Variants in ITCH observed in about 807,000 individuals in gnomAD.
ITCH encodes itchy E3 ubiquitin protein ligase.
A neutral mutation model predicts 126.8 loss-of-function variants in ITCH; 28 were observed. The ratio of observed to expected loss-of-function variants is 0.22; its 90% CI spans 0.16 to 0.30. The LOEUF is 0.30. Ranked by LOEUF, ITCH falls within the 10% of genes least tolerant of loss-of-function variation. The probability of loss-of-function intolerance (pLI) is 1.00; values close to 1 mark genes in which losing one functional copy is unlikely to be tolerated. For missense variants in ITCH, 631 were observed against 1,032.4 expected (o/e 0.61, Z 5.33); for synonymous variants, 342 against 340.0 (o/e 1.01, Z -0.06).
chr20:34,405,355 A>G (rs924582687), intron 3 of ITCH, among the ~76,000 whole-genome samples: 2 of 152,034 alleles, frequency 1.3e-5, no homozygotes, highest in Admixed American at 6.6e-5. Flanking sequence ...AAATACAAAC[A>G]TTAGCTGGGT....
chr20:34,419,830 G>C (rs147350338), intron 6 of ITCH, among the ~76,000 whole-genome samples: 1 of 152,020 alleles, frequency 6.6e-6, no homozygotes, highest in Non-Finnish European at 1.5e-5. Context: ...AATTGTGTCC[G>C]TAGGCCATTC....
In ITCH at chr20:34,435,191, C is replaced by T. The variant is rs148363567; in HGVS notation, c.522-3283C>T. Among the ~76,000 whole-genome samples the T allele has an allele frequency of 6.1e-4, 92 of 149,602 alleles. 1 individual carries two copies. The East Asian group carries it at 0.017, about 28-fold the overall frequency. On this transcript the variant is annotated intron_variant, in intron 7 of 24. Transcript: ENST00000374864. The stretch of plus-strand genomic sequence containing the variant: ...GTTTTTGGGTTTTTTTTTTTTGAGA[C>T]AGAGTCTTGCTCTGTTGCCCAGGCT...
chr20:34,365,348 A>AG, intron 1 of ITCH, among the ~76,000 whole-genome samples: 1 of 152,350 alleles, frequency 6.6e-6, no homozygotes, highest in South Asian at 2.1e-4. Context: ...AATTAAAAAA[A>AG]TGAGTACAGA....
intron 6 of ITCH, among the ~76,000 whole-genome samples, chr20:34,415,816 A>G (rs953882473): frequency 2.0e-5 from 3 of 152,182 alleles, no homozygotes; most frequent in Non-Finnish European, 4.4e-5. Flanking sequence ...AGATGAAACT[A>G]TTACTAATGT....
At chr20:34,506,699 GGCTGGAGACT>G (rs1157128872) in intron 24 of ITCH, among the ~76,000 whole-genome samples, 1 of 152,142 alleles carries the variant, frequency 6.6e-6, no homozygotes, top group Non-Finnish European at 1.5e-5. Context: ...GTGCCAAAAA[GGCTGGAGACT>G]GCTGCTTTAA....
chr20:34,440,477 T>C (rs1983604804), intron 9 of ITCH, 133 bp downstream of exon 9: 6 of 728,184 alleles, frequency 8.2e-6, no homozygotes, highest in Non-Finnish European at 1.4e-5. Context: ...CTTTTTTTTT[T>C]GAGATGGAGT....
In ITCH at chr20:34,405,717, T is replaced by C. The variant is rs1345873498; in HGVS notation, c.71-2934T>C. Among the ~76,000 whole-genome samples, 4 of 152,322 alleles carry C rather than the reference T, an allele frequency of 2.6e-5. No individual in the cohort carries two copies. In the South Asian group the frequency reaches 8.3e-4, roughly 32 times the overall value. On this transcript the variant is annotated intron_variant, in intron 3 of 24. Transcript: ENST00000374864. Reference sequence around the variant, plus strand: ...ATTAAAAGTAGAAATTTTATGTTTTTCTGTGTAATCCTGTGATTAAATTTG... The same window carrying C: ...ATTAAAAGTAGAAATTTTATGTTTTCCTGTGTAATCCTGTGATTAAATTTG...
chr20:34,435,486 AAG>A (rs1191802241), intron 7 of ITCH, among the ~76,000 whole-genome samples: 2 of 152,144 alleles, frequency 1.3e-5, no homozygotes, highest in Non-Finnish European at 2.9e-5. Context: ...TCTTTTTAAT[AAG>A]AGGGGAGAAA....
At chr20:34,484,762 G>C (rs560288635) in intron 20 of ITCH, among the ~76,000 whole-genome samples, 277 of 152,238 alleles carry the variant, frequency 1.8e-3, no homozygotes, top group African/African-American at 6.3e-3. Context: ...GTTGAAATTT[G>C]ACAAATATAT....
intron 12 of ITCH, among the ~76,000 whole-genome samples, chr20:34,452,281 A>G (rs539946550): frequency 1.3e-5 from 2 of 152,212 alleles, no homozygotes; most frequent in African/African-American, 4.8e-5. Context: ...CATTTTCTTT[A>G]TCATCCAGAT....
chr20:34,490,839 GCCCAAAA>G (rs1267869272), intron 22 of ITCH, among the ~76,000 whole-genome samples: 1 of 152,092 alleles, frequency 6.6e-6, no homozygotes, highest in Non-Finnish European at 1.5e-5. Flanking sequence ...TTGGTATACA[GCCCAAAA>G]AATTGAAAGC....
At chr20:34,482,386 A>G (rs1009602529) in intron 20 of ITCH, among the ~76,000 whole-genome samples, 2 of 152,240 alleles carry the variant, frequency 1.3e-5, no homozygotes, top group African/African-American at 2.4e-5. Flanking sequence ...AAAGCAACTT[A>G]GTTACTTCCT....
chr20:34,405,036 G>A (rs1214612139), intron 3 of ITCH, among the ~76,000 whole-genome samples: 4 of 151,876 alleles, frequency 2.6e-5, no homozygotes, highest in Admixed American at 2.6e-4. Flanking sequence ...CCACTTGGGA[G>A]GCTGAGATGG....
chr20:34,405,014 C>T (rs2039009253), intron 3 of ITCH, among the ~76,000 whole-genome samples: 2 of 151,910 alleles, frequency 1.3e-5, no homozygotes, highest in South Asian at 4.2e-4. Flanking sequence ...TGGCACGCAC[C>T]TGTAGTCCCA....
intron 14 of ITCH, among the ~76,000 whole-genome samples, chr20:34,468,122 C>T (rs1987265019): frequency 6.6e-6 from 1 of 151,056 alleles, no homozygotes; most frequent in African/African-American, 2.4e-5. Context: ...GCAAGCTCTG[C>T]CTCCCGGGTT....
At chr20:34,398,280 C>G (rs966422120) in intron 3 of ITCH, among the ~76,000 whole-genome samples, 7 of 152,002 alleles carry the variant, frequency 4.6e-5, no homozygotes, top group Non-Finnish European at 1.5e-5. Context: ...CCAGGCTGGT[C>G]TCAAACTCCT....
intron 7 of ITCH, among the ~76,000 whole-genome samples, chr20:34,431,019 G>A (rs1298513788): frequency 6.6e-6 from 1 of 152,178 alleles, no homozygotes; most frequent in African/African-American, 2.4e-5. Flanking sequence ...AGAGGCACAG[G>A]GAGGAAAAAT....
intron 23 of ITCH, among the ~76,000 whole-genome samples, chr20:34,498,320 A>C (rs1375161514): frequency 1.3e-5 from 2 of 152,066 alleles, no homozygotes; most frequent in Non-Finnish European, 2.9e-5. Context: ...GATGCCCTTT[A>C]TTTCTTTCTC....
intron 2 of ITCH, among the ~76,000 whole-genome samples, chr20:34,392,263 T>G (rs79111187): frequency 6.6e-6 from 1 of 152,198 alleles, no homozygotes; most frequent in Non-Finnish European, 1.5e-5. Flanking sequence ...CTATTGACTT[T>G]ATGATGTTTA....
Sources: gnomAD v4.1 joint callset for allele counts (sites outside exome capture counted in the v4.1 genomes callset) on GRCh38, gnomAD v4.1.1 for gene constraint, MANE v1.5 for transcripts, NCBI Gene and HGNC (gene_info 2026-07-23, HGNC 2026-07-21) for gene names.